The following LRP2 variants were observed in gnomAD, a reference collection of about 807,000 sequenced individuals.
LRP2 encodes low-density lipoprotein receptor-related protein 2.
LRP2 carries 172 observed loss-of-function variants against 531.0 expected under a neutral mutation model. The observed-to-expected ratio is 0.32, with a 90% CI of 0.29 to 0.37. The LOEUF is 0.37. Among genes scored for constraint, LRP2 ranks in the 10% least tolerant of loss-of-function variants. The pLI, the probability that LRP2 is intolerant of heterozygous loss-of-function variation, is 1.00. For missense variants in LRP2, 5,167 were observed against 5,868.3 expected, an observed-to-expected ratio of 0.88 and a Z score of 3.90; for synonymous variants, 1,992 against 2,027.6, an observed-to-expected ratio of 0.98 and a Z score of 0.47.
chr2:169,285,562 T>C (rs371629082), intron 9 of LRP2, among the ~76,000 whole-genome samples: 14 of 152,190 alleles, frequency 9.2e-5, no homozygotes, highest in African/African-American at 2.4e-4. Context: ...ATTCTTTGTC[T>C]CCTCCCACCA....
intron 3 of LRP2, among the ~76,000 whole-genome samples, chr2:169,312,612 C>T (rs1478633574): frequency 2.6e-5 from 4 of 152,202 alleles, no homozygotes; most frequent in Admixed American, 6.5e-5. Context: ...GTAACCCGAC[C>T]TTTCTCTCTG....
rs117106294 is a variant in LRP2, at chr2:169,321,660, T to C, written c.80-776A>G. ...TTAGATTCAGACTAATATTTTGTCT[T>C]AATTTTTAAAAATTAAATTATAACT... On this transcript the variant is annotated intron_variant, in intron 1 of 78. Transcript: ENST00000649046. Among the ~76,000 whole-genome samples the C allele has an allele frequency of 1.7e-3, 252 of 152,344 alleles. 1 individual carries two copies. Among genetic ancestry groups the C allele is most frequent in the East Asian group, 0.016 (81 of 5,190 alleles).
intron 4 of LRP2, among the ~76,000 whole-genome samples, chr2:169,302,735 T>G (rs1684315967): frequency 1.0e-5 from 1 of 96,086 alleles, no homozygotes. Context: ...CCAGGACAAG[T>G]GACCTGGGTT....
At chr2:169,241,758 A>C (rs1689815207) in intron 24 of LRP2, among the ~76,000 whole-genome samples, 1 of 152,244 alleles carries the variant, frequency 6.6e-6, no homozygotes, top group Admixed American at 6.5e-5. Flanking sequence ...AGCTATGATT[A>C]CTTTGAACTT....
At chr2:169,315,380 G>A (rs1275289183) in intron 3 of LRP2, among the ~76,000 whole-genome samples, 1 of 152,164 alleles carries the variant, frequency 6.6e-6, no homozygotes, top group Non-Finnish European at 1.5e-5. Context: ...ACTCTGGGAT[G>A]GGAGCATGGA....
chr2:169,247,199 G>A (rs1015853455), intron 20 of LRP2, among the ~76,000 whole-genome samples, 179 bp downstream of exon 20: 1 of 152,108 alleles, frequency 6.6e-6, no homozygotes, highest in Non-Finnish European at 1.5e-5. Flanking sequence ...CATGTTTAAG[G>A]CTAGCAGCAT....
intron 60 of LRP2, among the ~76,000 whole-genome samples, chr2:169,168,892 T>G (rs1373656553): frequency 6.6e-6 from 1 of 152,198 alleles, no homozygotes; most frequent in Non-Finnish European, 1.5e-5. Context: ...GAATCATCCA[T>G]GGCATGGACA....
intron 16 of LRP2, among the ~76,000 whole-genome samples, chr2:169,261,021 G>A (rs1690525036): frequency 6.6e-6 from 1 of 152,042 alleles, no homozygotes; most frequent in African/African-American, 2.4e-5. Flanking sequence ...TGACCAGGAT[G>A]AGAGGGGTGT....
intron 41 of LRP2, 48 bp from the exon 42 acceptor site, chr2:169,204,319 T>C: frequency 6.3e-7 from 1 of 1,583,776 alleles, no homozygotes; most frequent in Non-Finnish European, 8.6e-7. Context: ...TCAAGTGAGT[T>C]AAGTTTTCAA....
At chr2:169,168,390 A>C in intron 61 of LRP2, 149 bp downstream of exon 61, 1 of 918,308 alleles carries the variant, frequency 1.1e-6, no homozygotes, top group Non-Finnish European at 1.8e-6. Context: ...CTGAAGCTGG[A>C]AGACCCAGTG....
chr2:169,279,434 C>T lies in LRP2; in HGVS notation c.1503G>A (p.Arg501=). 1 of 1,614,044 alleles carries T rather than the reference C, an allele frequency of 6.2e-7. No individual in the cohort carries two copies. Among genetic ancestry groups the T allele is most frequent in the Non-Finnish European group, 8.5e-7 (1 of 1,179,986 alleles). ...CCAAGTTTTCAGTTATAAGGGTAAC[C>T]CGATAGCTTCCATCCAAATTTACCA... ...IDMVNLDGSY[R]VTLITENLGH... Residue 501 remains arginine, a synonymous_variant, in exon 12 of 79, where the codon CGG becomes CGA. Transcript: ENST00000649046.
At chr2:169,277,695 C>T in intron 13 of LRP2, 50 bp downstream of exon 13, 1 of 1,511,144 alleles carries the variant, frequency 6.6e-7, no homozygotes, top group Non-Finnish European at 9.2e-7. Context: ...CCATTTTATG[C>T]ACTTTCCCTG....
chr2:169,309,826 T>A (rs1684541577), intron 3 of LRP2, among the ~76,000 whole-genome samples: 1 of 152,218 alleles, frequency 6.6e-6, no homozygotes, highest in Non-Finnish European at 1.5e-5. Context: ...GTATGGCCAT[T>A]TCCATGATAT....
intron 68 of LRP2, among the ~76,000 whole-genome samples, chr2:169,148,701 C>T (rs1046444373): frequency 2.6e-5 from 4 of 151,770 alleles, no homozygotes; most frequent in East Asian, 1.9e-4. Context: ...AAAAACAAAA[C>T]GTAGGGAATG....
At chr2:169,271,707 C>T (rs940262015) in intron 15 of LRP2, 12 of 983,406 alleles carry the variant, frequency 1.2e-5, no homozygotes, top group Non-Finnish European at 1.4e-5. Flanking sequence ...TCATACAGAG[C>T]TGAACTCTAT....
chr2:169,157,544 A>T, intron 63 of LRP2, 42 bp from the exon 64 acceptor site: 1 of 1,608,530 alleles, frequency 6.2e-7, no homozygotes, highest in South Asian at 1.1e-5. Flanking sequence ...GATCAGCCAC[A>T]AATAACAGTC....
chr2:169,204,332 G>T, intron 41 of LRP2, 61 bp from the exon 42 acceptor site: 1 of 1,517,250 alleles, frequency 6.6e-7, no homozygotes, highest in Non-Finnish European at 9.1e-7. Flanking sequence ...GTTTTCAACT[G>T]GCAGCCCAAT....
At chr2:169,297,010 T>C (rs1394741621) in intron 4 of LRP2, among the ~76,000 whole-genome samples, 2 of 152,144 alleles carry the variant, frequency 1.3e-5, no homozygotes, top group Non-Finnish European at 2.9e-5. Flanking sequence ...CACACCTTGA[T>C]CTCTTCGGTG....
intron 9 of LRP2, among the ~76,000 whole-genome samples, chr2:169,286,682 G>C (rs831016): frequency 0.47 from 71,870 of 151,862 alleles, 17,805 homozygotes; most frequent in African/African-American, 0.61. Flanking sequence ...TGGGCTCTAG[G>C]GTGGAACAAA....
Sources: gnomAD v4.1 joint callset for allele counts (sites outside exome capture counted in the v4.1 genomes callset) on GRCh38, gnomAD v4.1.1 for gene constraint, MANE v1.5 for transcripts, NCBI Gene and HGNC (gene_info 2026-07-23, HGNC 2026-07-21) for gene names.